PLEKHD1: variants seen among roughly 807,000 people sequenced by gnomAD.
The protein encoded by PLEKHD1 is pleckstrin homology and coiled-coil domain containing D1, also known as pleckstrin homology domain-containing family D member 1.
PLEKHD1 carries 51 observed loss-of-function variants against 69.2 expected under a neutral mutation model. The ratio of observed to expected loss-of-function variants is 0.74; its 90% CI spans 0.59 to 0.93. PLEKHD1 has a LOEUF of 0.93. Ranked by LOEUF, PLEKHD1 falls within the 40% of genes least tolerant of loss-of-function variation. PLEKHD1 has a pLI of 0.00. For missense variants in PLEKHD1, 584 were observed against 641.0 expected, an observed-to-expected ratio of 0.91 and a Z score of 0.96; for synonymous variants, 236 against 244.7, an observed-to-expected ratio of 0.96 and a Z score of 0.33.
Position 69,528,523 on chromosome 14 carries a change from T to A in PLEKHD1, c.*104T>A. The A allele has an allele frequency of 7.3e-7, 1 of 1,376,052 alleles. No homozygotes were observed. The highest frequency in any genetic ancestry group is 9.7e-7 in the Non-Finnish European group (1 of 1,032,400). 85.2% of individuals were successfully genotyped at this position (1,376,052 alleles called of 1,614,324 possible). A position where few individuals can be genotyped will look rare whatever the true frequency, so the allele number is the denominator to read the frequency against. On this transcript the variant is annotated 3_prime_UTR_variant, in exon 13 of 13. Transcript: ENST00000322564. ...CTACCAGCTCCTGGCCTCTCTGGTC[T>A]GGAGCCTATGTCTCCTCTGGGCCGG...
In PLEKHD1 at chr14:69,528,743, G is replaced by T. The variant is rs1033259254; in HGVS notation, c.*324G>T. 5.8e-6 allele frequency: 2 copies of T among 344,070 alleles called. No homozygotes were observed. Among genetic ancestry groups the T allele is most frequent in the Non-Finnish European group, 1.1e-5 (2 of 183,908 alleles). 21.3% of individuals were successfully genotyped at this position (344,070 alleles called of 1,614,324 possible). A position where few individuals can be genotyped will look rare whatever the true frequency, so the allele number is the denominator to read the frequency against. ...CGGTTAGGGAGTGGGGTGGGGAGGT[G>T]CTGTCTACCACTGTGCCATCAGGCA... On this transcript the variant is annotated 3_prime_UTR_variant, in exon 13 of 13. Transcript: ENST00000322564.
intron 6 of PLEKHD1, among the ~76,000 whole-genome samples, chr14:69,510,816 T>G (rs1883254385): frequency 6.6e-6 from 1 of 152,230 alleles, no homozygotes; most frequent in East Asian, 1.9e-4. Flanking sequence ...AGAAGGGACA[T>G]CCTCATCTTC....
At chr14:69,479,006 T>G in the PLEKHD1 span, among the ~76,000 whole-genome samples, 1 of 152,212 alleles carries the variant, frequency 6.6e-6, no homozygotes, top group East Asian at 1.9e-4. Flanking sequence ...GATAAAGACA[T>G]ACCTGAGACT....
chr14:69,501,789 G>T lies in PLEKHD1; in HGVS notation c.466G>T (p.Gly156Trp). ...EAMIKSLEAQ[G>W]LQLAKEKQEY... ...CATGATCAAAAGCCTGGAGGCCCAG[G>T]GGCTGCAGTTGGCTAAGGAAAAGCA... The change falls in exon 5 of 13, where the codon GGG becomes TGG. Residue 156 changes from glycine (G) to tryptophan (W), a missense_variant. By Grantham distance (184) the Gly-to-Trp change is radical. Coordinates refer to ENST00000322564, the MANE Select transcript of PLEKHD1 (RefSeq NM_001161498.2). 6.4e-7 allele frequency: 1 copy of T among 1,551,528 alleles called. No homozygotes were observed. The highest frequency in any genetic ancestry group is 1.2e-5 in the South Asian group (1 of 84,042).
At chr14:69,528,229 G>A (rs1883705137) in intron 12 of PLEKHD1, 21 bp from the exon 13 acceptor site, 1 of 1,551,476 alleles carries the variant, frequency 6.4e-7, no homozygotes, top group East Asian at 2.4e-5. Context: ...TCACAGGGCT[G>A]TTGGGCTCCT....
Position 69,499,508 on chromosome 14 carries a change from G to A in PLEKHD1, c.150-607G>A, listed in dbSNP as rs559205278. ...TGCTCCACATGTTGACCTCAAGGAC[G>A]TGGCCTCCCCAGCAGTCAAAAAGCA... On this transcript the variant is annotated intron_variant, in intron 1 of 12. Transcript: ENST00000322564. 1.1e-4 allele frequency among the ~76,000 whole-genome samples: 17 copies of A among 152,274 alleles called. No individual in the cohort carries two copies. In the East Asian group the frequency reaches 2.9e-3, roughly 26 times the overall value.
intron 6 of PLEKHD1, among the ~76,000 whole-genome samples, chr14:69,508,685 AG>A (rs1490902597): frequency 6.6e-6 from 1 of 152,230 alleles, no homozygotes; most frequent in African/African-American, 2.4e-5. Flanking sequence ...ATTTGGAAGA[AG>A]GGGTCTGGGG....
At chr14:69,480,924 A>C (rs6573887), upstream of PLEKHD1, among the ~76,000 whole-genome samples, 26,975 of 152,260 alleles carry the variant, frequency 0.18, 2,616 homozygotes, top group Middle Eastern at 0.27. Context: ...AAATGTTGGA[A>C]TTACAGGCAT....
At chr14:69,471,299 T>C in the PLEKHD1 span, among the ~76,000 whole-genome samples, 3 of 151,720 alleles carry the variant, frequency 2.0e-5, no homozygotes, top group African/African-American at 7.3e-5. Context: ...TTTGTAGAGA[T>C]GGGGTCTCCC....
chr14:69,471,218 A>G, the PLEKHD1 span, among the ~76,000 whole-genome samples: 1 of 139,474 alleles, frequency 7.2e-6, no homozygotes, highest in South Asian at 2.3e-4. Context: ...CAATCTTCCC[A>G]TCTCAGCCTC....
At position 69,498,663 on chromosome 14, in the gene PLEKHD1, T is replaced by TTCTCTTCTC. The variant is rs1555337218; in HGVS notation, c.150-1451_150-1450insCTCTTCTCT. 3.8e-3 allele frequency among the ~76,000 whole-genome samples: 233 copies of TTCTCTTCTC among 61,890 alleles called. 1 individual carries two copies. The highest frequency in any genetic ancestry group is 7.6e-3 in the African/African-American group (141 of 18,592). The allele number at this position is 61,890 out of a possible 152,430, so 40.6% of individuals were successfully genotyped here. A position where few individuals can be genotyped will look rare whatever the true frequency, so the allele number is the denominator to read the frequency against. ...CTTCTCTTCTCTTCTCTTCTCTTCT[T>TTCTCTTCTC]TGAGATGGAGTCTCACTCGTGTTGC... On this transcript the variant is annotated intron_variant, in intron 1 of 12. Transcript: ENST00000322564.
chr14:69,509,348 TTTAA>T (rs985615709), intron 6 of PLEKHD1, among the ~76,000 whole-genome samples: 25 of 152,342 alleles, frequency 1.6e-4, no homozygotes, highest in African/African-American at 5.5e-4. Context: ...GGAATAAAAT[TTTAA>T]TTTTAATGAA....
chr14:69,505,440 T>C (rs1039172170), intron 6 of PLEKHD1, among the ~76,000 whole-genome samples: 2 of 152,200 alleles, frequency 1.3e-5, no homozygotes, highest in Non-Finnish European at 2.9e-5. Flanking sequence ...GCAATTGATG[T>C]AATGGCCTAG....
At chr14:69,469,410 T>TC in the PLEKHD1 span, among the ~76,000 whole-genome samples, 1 of 121,268 alleles carries the variant, frequency 8.2e-6, no homozygotes, top group African/African-American at 3.2e-5. Flanking sequence ...GTTGTTTCTC[T>TC]TTTTTTTTTT....
chr14:69,500,292 C>A, intron 2 of PLEKHD1, 84 bp downstream of exon 2: 3 of 1,147,398 alleles, frequency 2.6e-6, no homozygotes, highest in Non-Finnish European at 3.8e-6. Flanking sequence ...GAGGGGACTG[C>A]GCTCTTGCTC....
At chr14:69,511,551 C>CT (rs1883272560) in intron 6 of PLEKHD1, among the ~76,000 whole-genome samples, 1 of 151,756 alleles carries the variant, frequency 6.6e-6, no homozygotes, top group Non-Finnish European at 1.5e-5. Flanking sequence ...TTCTCCTTTT[C>CT]TTTTTTTTCT....
intron 1 of PLEKHD1, among the ~76,000 whole-genome samples, chr14:69,498,848 A>T (rs955713427): frequency 9.2e-5 from 14 of 151,958 alleles, no homozygotes; most frequent in Admixed American, 5.9e-4. Context: ...GGGTTTCACC[A>T]TATTGGCCAG....
chr14:69,528,063 G>C, intron 12 of PLEKHD1, 131 bp downstream of exon 12: 1 of 1,468,028 alleles, frequency 6.8e-7, no homozygotes, highest in Admixed American at 2.2e-5. Context: ...CACCATCCTT[G>C]GGCAAACGGG....
chr14:69,518,334 C>T (rs1489243058), intron 6 of PLEKHD1, among the ~76,000 whole-genome samples: 1 of 152,190 alleles, frequency 6.6e-6, no homozygotes, highest in Non-Finnish European at 1.5e-5. Flanking sequence ...AGCCACCTCT[C>T]CCGGCCCTGA....
Sources: gnomAD v4.1 joint callset for allele counts (sites outside exome capture counted in the v4.1 genomes callset) on GRCh38, gnomAD v4.1.1 for gene constraint, MANE v1.5 for transcripts, NCBI Gene and HGNC (gene_info 2026-07-23, HGNC 2026-07-21) for gene names.